Variants in PCDHAC2 observed in about 807,000 individuals in gnomAD.
PCDHAC2 encodes protocadherin alpha subfamily C, 2.
PCDHAC2 carries 24 observed loss-of-function variants against 63.3 expected under a neutral mutation model. The observed-to-expected ratio is 0.38, with a 90% CI of 0.27 to 0.53. The LOEUF is 0.53. Among genes scored for constraint, PCDHAC2 ranks in the 20% least tolerant of loss-of-function variants. The pLI is 0.81. For synonymous variants in PCDHAC2, 569 were observed against 529.4 expected (o/e 1.07, Z -1.03); for missense variants, 1,181 against 1,275.2 (o/e 0.93, Z 1.12).
Position 141,009,778 on chromosome 5 carries a change from C to T in PCDHAC2, c.2865C>T (p.Ser955=). Residue 955 remains serine, a synonymous_variant, in exon 4 of 4, where the codon TCC becomes TCT. Transcript: ENST00000289269. ...FIIPGSPAII[S]IRQEPTNSQI... ...TCCCAGGATCTCCTGCAATCATCTCCATCCGGCAGGAGCCTACTAACAGCC... is the reference window on the plus strand; with the variant it reads ...TCCCAGGATCTCCTGCAATCATCTCTATCCGGCAGGAGCCTACTAACAGCC... 1.2e-6 allele frequency: 2 copies of T among 1,614,122 alleles called. No homozygotes were observed.
At chr5:140,998,533 T>C (rs1362807124) in intron 3 of PCDHAC2, among the ~76,000 whole-genome samples, 1 of 152,020 alleles carries the variant, frequency 6.6e-6, no homozygotes, top group Non-Finnish European at 1.5e-5. Flanking sequence ...TTTATATCCC[T>C]AATTCCTAAT....
At chr5:140,969,457 T>C (rs1554231852) in intron 1 of PCDHAC2, 126 bp downstream of exon 1, 1 of 1,505,602 alleles carries the variant, frequency 6.6e-7, no homozygotes, top group Admixed American at 2.2e-5. Context: ...TGAGTATATA[T>C]AGTATCCACA....
chr5:140,966,749 C>T lies in PCDHAC2; in HGVS notation c.-18C>T, dbSNP rs1554228607. 7.0e-7 allele frequency: 1 copy of T among 1,428,076 alleles called. No homozygotes were observed. Among genetic ancestry groups the T allele is most frequent in the Middle Eastern group, 2.5e-4 (1 of 3,964 alleles). 88.5% of individuals were successfully genotyped at this position (1,428,076 alleles called of 1,614,324 possible). A position where few individuals can be genotyped will look rare whatever the true frequency, so the allele number is the denominator to read the frequency against. On this transcript the variant is annotated 5_prime_UTR_variant, in exon 1 of 4. Coordinates refer to ENST00000289269, the MANE Select transcript of PCDHAC2 (RefSeq NM_018899.6). The stretch of plus-strand genomic sequence containing the variant: ...CGCCTCCGGCCCTGCCCGGCTGCCT[C>T]CGCCGCGGCCAGTGGCTATGGAGCA...
At position 141,010,262 on chromosome 5, in the gene PCDHAC2, C is replaced by A; in HGVS notation, c.*325C>A. 4 of 1,551,728 alleles carry A rather than the reference C, an allele frequency of 2.6e-6. No homozygotes were observed. Among genetic ancestry groups the A allele is most frequent in the Non-Finnish European group, 3.5e-6 (4 of 1,146,994 alleles). On this transcript the variant is annotated 3_prime_UTR_variant, in exon 4 of 4. Transcript: ENST00000289269. ...GAGGTTGGACTCTCTGCCCTGTGCT[C>A]CGGGGATCCTGTCTTGATGACACTT...
intron 3 of PCDHAC2, among the ~76,000 whole-genome samples, chr5:140,985,770 C>T (rs1456292041): frequency 1.5e-5 from 2 of 132,222 alleles, no homozygotes; most frequent in African/African-American, 2.8e-5. Flanking sequence ...GAGACAGTCT[C>T]GCTCTGTCGC....
At chr5:140,990,628 G>A (rs1380038956) in intron 3 of PCDHAC2, among the ~76,000 whole-genome samples, 1 of 152,154 alleles carries the variant, frequency 6.6e-6, no homozygotes, top group African/African-American at 2.4e-5. Flanking sequence ...TCTGTGGTAA[G>A]ACTAGAAGCC....
At position 140,968,639 on chromosome 5, in the gene PCDHAC2, GC is replaced by G; in HGVS notation, c.1876del (p.Gln626ArgfsTer10). ...AAATGCTTGGCTTTTTTACCATCTA[GC>G]CCAGACTTCTGACCTGGACCTCTTT... ...GQNAWLFYHL[A>X]QTSDLDLFKV... On this transcript the variant is annotated frameshift_variant, in exon 1 of 4. Coordinates refer to ENST00000289269, the MANE Select transcript of PCDHAC2 (RefSeq NM_018899.6). LOFTEE classifies it high-confidence loss of function. 6.2e-7 allele frequency: 1 copy of G among 1,614,150 alleles called. No individual in the cohort carries two copies. Among genetic ancestry groups the G allele is most frequent in the Non-Finnish European group, 8.5e-7 (1 of 1,180,030 alleles).
chr5:140,988,051 T>C (rs903060920), intron 3 of PCDHAC2, among the ~76,000 whole-genome samples: 2 of 152,240 alleles, frequency 1.3e-5, no homozygotes, highest in African/African-American at 2.4e-5. Flanking sequence ...TTAGGAGCAC[T>C]GTCAACATGA....
chr5:140,996,293 A>T (rs1481852263), intron 3 of PCDHAC2, among the ~76,000 whole-genome samples: 1 of 152,264 alleles, frequency 6.6e-6, no homozygotes, highest in African/African-American at 2.4e-5. Context: ...CAAGAAGCAC[A>T]GATTGTAACA....
At chr5:140,980,149 A>G (rs1287895980) in intron 2 of PCDHAC2, among the ~76,000 whole-genome samples, 1 of 152,184 alleles carries the variant, frequency 6.6e-6, no homozygotes, top group East Asian at 1.9e-4. Flanking sequence ...ATTCATGCAT[A>G]TACCAGAATA....
At chr5:141,008,434 A>G (rs1466409442) in intron 3 of PCDHAC2, among the ~76,000 whole-genome samples, 2 of 152,196 alleles carry the variant, frequency 1.3e-5, no homozygotes, top group Admixed American at 6.5e-5. Context: ...CACTTTGCCC[A>G]GACAGACCAT....
At chr5:140,983,931 G>A (rs1398681067) in intron 3 of PCDHAC2, among the ~76,000 whole-genome samples, 1 of 152,190 alleles carries the variant, frequency 6.6e-6, no homozygotes, top group Non-Finnish European at 1.5e-5. Context: ...GCTATTTATG[G>A]ATGTTGCACA....
intron 1 of PCDHAC2, among the ~76,000 whole-genome samples, chr5:140,974,327 G>A (rs2096622889): frequency 6.6e-6 from 1 of 152,194 alleles, no homozygotes; most frequent in African/African-American, 2.4e-5. Context: ...TAGCTGCTGT[G>A]CTAGCAGGCT....
At chr5:140,982,234 A>C (rs1039012011) in intron 2 of PCDHAC2, 1 of 643,856 alleles carries the variant, frequency 1.6e-6, no homozygotes. Flanking sequence ...AAAAAACAGA[A>C]TTGCCATAAA....
intron 1 of PCDHAC2, among the ~76,000 whole-genome samples, chr5:140,970,178 A>T (rs1190328996): frequency 6.6e-6 from 1 of 152,214 alleles, no homozygotes; most frequent in East Asian, 1.9e-4. Context: ...GCATACTCTG[A>T]ATTCATTGTA....
chr5:140,985,739 CTTTTTTTTT>C (rs11372071), intron 3 of PCDHAC2, among the ~76,000 whole-genome samples: 4 of 117,922 alleles, frequency 3.4e-5, no homozygotes, highest in African/African-American at 3.2e-5. Flanking sequence ...TGATGAATTC[CTTTTTTTTT>C]TTTTTTTTTT....
chr5:141,009,745 A>G lies in PCDHAC2; in HGVS notation c.2832A>G (p.Lys944=). The G allele has an allele frequency of 6.2e-7, 1 of 1,614,104 alleles. No individual in the cohort carries two copies. The highest frequency in any genetic ancestry group is 8.5e-7 in the Non-Finnish European group (1 of 1,180,006). The part of the protein sequence containing the change: ...KQSGPGELPD[K]FIIPGSPAII... ...CCGGTCCCGGTGAGTTGCCCGACAA[A>G]TTCATTATCCCAGGATCTCCTGCAA... Residue 944 remains lysine, a synonymous_variant, in exon 4 of 4, where the codon AAA becomes AAG. Coordinates refer to ENST00000289269, the MANE Select transcript of PCDHAC2 (RefSeq NM_018899.6).
intron 3 of PCDHAC2, among the ~76,000 whole-genome samples, chr5:140,990,831 A>G (rs1004872074): frequency 6.6e-6 from 1 of 152,192 alleles, no homozygotes; most frequent in Non-Finnish European, 1.5e-5. Context: ...GCTAAAGCCT[A>G]TTAGCAAAAA....
At chr5:140,969,638 G>A (rs1461834971) in intron 1 of PCDHAC2, 1 of 210,658 alleles carries the variant, frequency 4.7e-6, no homozygotes, top group African/African-American at 2.4e-5. Context: ...ACAGGCCTTG[G>A]AATAGGGATT....
Sources: gnomAD v4.1 joint callset for allele counts (sites outside exome capture counted in the v4.1 genomes callset) on GRCh38, gnomAD v4.1.1 for gene constraint, MANE v1.5 for transcripts, NCBI Gene and HGNC (gene_info 2026-07-23, HGNC 2026-07-21) for gene names.